Variants in PLD1 observed in about 807,000 individuals in gnomAD.
The protein encoded by PLD1 is choline phosphatase 1.
Under a neutral mutation model 137.1 loss-of-function variants are expected in PLD1, and 112 were observed. That is an observed-to-expected ratio of 0.82 (90% CI 0.70 to 0.96). The LOEUF is 0.96. Among genes scored for constraint, PLD1 ranks in the 40% least tolerant of loss-of-function variants. The pLI, the probability that PLD1 is intolerant of heterozygous loss-of-function variation, is 0.00. For missense variants in PLD1, 1,321 were observed against 1,342.0 expected, an observed-to-expected ratio of 0.98 and a Z score of 0.24; for synonymous variants, 431 against 454.7, an observed-to-expected ratio of 0.95 and a Z score of 0.66.
At chr3:171,718,595 G>A (rs552933376) in intron 8 of PLD1, among the ~76,000 whole-genome samples, 1 of 152,224 alleles carries the variant, frequency 6.6e-6, no homozygotes, top group Non-Finnish European at 1.5e-5. Flanking sequence ...TCTTTCTCAG[G>A]AATATATAAA....
At chr3:171,663,563 T>A (rs1345041556) in intron 19 of PLD1, among the ~76,000 whole-genome samples, 2 of 152,168 alleles carry the variant, frequency 1.3e-5, no homozygotes, top group Admixed American at 1.3e-4. Context: ...CTGTGGCAGG[T>A]CATGTCAGGG....
chr3:171,806,256 ACT>A (rs1208055193), intron 1 of PLD1, among the ~76,000 whole-genome samples: 3 of 152,258 alleles, frequency 2.0e-5, no homozygotes, highest in Non-Finnish European at 4.4e-5. Context: ...GAAAAAAAAC[ACT>A]GTGACACTAT....
intron 1 of PLD1, among the ~76,000 whole-genome samples, chr3:171,786,831 T>G (rs1270510895): frequency 6.6e-6 from 1 of 152,186 alleles, no homozygotes; most frequent in Non-Finnish European, 1.5e-5. Flanking sequence ...CATGGGAATT[T>G]CCTTATGAAT....
intron 23 of PLD1, among the ~76,000 whole-genome samples, chr3:171,628,891 C>A (rs1457229210): frequency 6.6e-6 from 1 of 151,414 alleles, no homozygotes; most frequent in Non-Finnish European, 1.5e-5. Flanking sequence ...TATGACAAAC[C>A]CACAGCCAAT....
chr3:171,623,613 T>C (rs1733834981), intron 23 of PLD1, among the ~76,000 whole-genome samples: 2 of 151,960 alleles, frequency 1.3e-5, no homozygotes, highest in African/African-American at 4.8e-5. Flanking sequence ...TGAGCCACCG[T>C]GCCAGGCCAG....
intron 1 of PLD1, among the ~76,000 whole-genome samples, chr3:171,768,245 A>C (rs894564483): frequency 3.9e-5 from 6 of 152,090 alleles, no homozygotes; most frequent in Non-Finnish European, 8.8e-5. Context: ...ACATTACTAA[A>C]ATAGTGAATT....
intron 12 of PLD1, among the ~76,000 whole-genome samples, chr3:171,694,072 ATTC>A (rs1715460194): frequency 6.6e-6 from 1 of 152,140 alleles, no homozygotes; most frequent in Non-Finnish European, 1.5e-5. Flanking sequence ...TGGACCCTAA[ATTC>A]CTTATAATAA....
intron 1 of PLD1, among the ~76,000 whole-genome samples, chr3:171,807,362 T>G (rs1046416333): frequency 6.6e-6 from 1 of 152,154 alleles, no homozygotes; most frequent in Non-Finnish European, 1.5e-5. Context: ...TGCTTAGTGA[T>G]AAAACTAAAG....
At chr3:171,750,679 C>T (rs944156894) in intron 1 of PLD1, among the ~76,000 whole-genome samples, 2 of 152,112 alleles carry the variant, frequency 1.3e-5, no homozygotes, top group African/African-American at 2.4e-5. Flanking sequence ...TCAGGAGAAC[C>T]ACACTAATGA....
chr3:171,803,003 C>T (rs189809725), intron 1 of PLD1, among the ~76,000 whole-genome samples: 19 of 152,310 alleles, frequency 1.2e-4, no homozygotes, highest in African/African-American at 4.1e-4. Context: ...TTTTGAGTCC[C>T]ATTCCTCAAG....
At chr3:171,752,664 CAT>C (rs1374913489) in intron 1 of PLD1, among the ~76,000 whole-genome samples, 4 of 152,188 alleles carry the variant, frequency 2.6e-5, no homozygotes, top group Non-Finnish European at 5.9e-5. Flanking sequence ...TGATCTCTCT[CAT>C]ATCTTTAGTA....
In PLD1 at chr3:171,689,805, C is replaced by T. The variant is rs150858640; in HGVS notation, c.1339-929G>A. Among the ~76,000 whole-genome samples, 649 of 152,292 alleles carry T rather than the reference C, an allele frequency of 4.3e-3. 3 individuals are homozygous for T. Among genetic ancestry groups the T allele is most frequent in the African/African-American group, 0.015 (615 of 41,560 alleles). On this transcript the variant is annotated intron_variant, in intron 13 of 26. Coordinates refer to ENST00000351298, the MANE Select transcript of PLD1 (RefSeq NM_002662.5). Reference sequence around the variant, plus strand: ...GCATGAGCCACCATACCTGGCCTTACTGTTTTCTTAATAACACATTTTTTA... The same window carrying T: ...GCATGAGCCACCATACCTGGCCTTATTGTTTTCTTAATAACACATTTTTTA...
chr3:171,614,222 A>G (rs540787894), intron 24 of PLD1, among the ~76,000 whole-genome samples: 3 of 152,326 alleles, frequency 2.0e-5, no homozygotes, highest in Non-Finnish European at 2.9e-5. Flanking sequence ...TGAGAATGCT[A>G]CTGGAGTGCT....
chr3:171,764,863 GAAAGAAAGAAAGAAAGAAAGAA>G lies in PLD1; in HGVS notation c.-31-26803_-31-26782del, dbSNP rs1560288092. Among the ~76,000 whole-genome samples the G allele has an allele frequency of 3.7e-4, 9 of 24,526 alleles. 1 individual carries two copies. In the South Asian group the frequency reaches 3.9e-3, roughly 11 times the overall value. The allele number at this position is 24,526 out of a possible 152,430, so 16.1% of individuals were successfully genotyped here. A position where few individuals can be genotyped will look rare whatever the true frequency, so the allele number is the denominator to read the frequency against. On this transcript the variant is annotated intron_variant, in intron 1 of 26. Transcript: ENST00000351298. ...AGAAAGAAAGAAAGAAAGAAAGAAA[GAAAGAAAGAAAGAAAGAAAGAA>G]AGAAAGAAAGGAAGGAAGGAAGGAA...
intron 1 of PLD1, among the ~76,000 whole-genome samples, chr3:171,743,321 TG>T (rs1719915771): frequency 6.6e-6 from 1 of 152,200 alleles, no homozygotes; most frequent in Non-Finnish European, 1.5e-5. Context: ...CATACCATCT[TG>T]CAACTGTCTT....
chr3:171,602,829 A>T lies in PLD1; in HGVS notation c.*249T>A. ...GGAATTTGAATATGTGTTTTACTCA[A>T]CAGAGTACATGCTACCAACAAGAAT... On this transcript the variant is annotated 3_prime_UTR_variant, in exon 27 of 27. Transcript: ENST00000351298. 3.9e-6 allele frequency: 2 copies of T among 510,552 alleles called. No homozygotes were observed. The highest frequency in any genetic ancestry group is 6.8e-5 in the Admixed American group (2 of 29,480). The allele number at this position is 510,552 out of a possible 1,614,324, so 31.6% of individuals were successfully genotyped here. A position where few individuals can be genotyped will look rare whatever the true frequency, so the allele number is the denominator to read the frequency against.
intron 23 of PLD1, among the ~76,000 whole-genome samples, chr3:171,627,386 CTT>C (rs1734216514): frequency 6.6e-6 from 1 of 152,150 alleles, no homozygotes; most frequent in South Asian, 2.1e-4. Context: ...TGCAAAGAGA[CTT>C]AGACTCCCAC....
chr3:171,758,949 T>G (rs755644137), intron 1 of PLD1, among the ~76,000 whole-genome samples: 1 of 152,190 alleles, frequency 6.6e-6, no homozygotes, highest in Non-Finnish European at 1.5e-5. Context: ...ATACATTAAG[T>G]CTTTGGCAAA....
intron 1 of PLD1, among the ~76,000 whole-genome samples, chr3:171,738,855 G>A (rs575678276): frequency 6.6e-6 from 1 of 152,290 alleles, no homozygotes; most frequent in East Asian, 1.9e-4. Context: ...TATTTTTCAT[G>A]TAAAATATTG....
Sources: allele counts gnomAD v4.1 joint callset (sites outside exome capture counted in the v4.1 genomes callset), GRCh38; gene constraint gnomAD v4.1.1; transcripts MANE v1.5; gene names NCBI Gene and HGNC (gene_info 2026-07-23, HGNC 2026-07-21).